BAZ2B: variants seen among roughly 807,000 people sequenced by gnomAD.
BAZ2B encodes the protein bromodomain adjacent to zinc finger domain protein 2B.
Under a neutral mutation model 246.0 loss-of-function variants are expected in BAZ2B, and 91 were observed. The ratio of observed to expected loss-of-function variants is 0.37; its 90% CI spans 0.31 to 0.44. The LOEUF (loss-of-function observed/expected upper bound fraction) is 0.44. Among genes scored for constraint, BAZ2B ranks in the 20% least tolerant of loss-of-function variants. BAZ2B has a pLI of 1.00. For synonymous variants in BAZ2B, 855 were observed against 860.0 expected, an observed-to-expected ratio of 0.99 and a Z score of 0.10; for missense variants, 2,332 against 2,533.7, an observed-to-expected ratio of 0.92 and a Z score of 1.71.
chr2:159,470,233 T>C (rs1178347393), intron 3 of BAZ2B, among the ~76,000 whole-genome samples: 2 of 152,192 alleles, frequency 1.3e-5, no homozygotes, highest in Non-Finnish European at 2.9e-5. Context: ...CATGTGACAA[T>C]ATTTAATACC....
At chr2:159,588,460 G>T (rs544536571) in intron 1 of BAZ2B, among the ~76,000 whole-genome samples, 37 of 151,864 alleles carry the variant, frequency 2.4e-4, no homozygotes, top group Non-Finnish European at 4.7e-4. Flanking sequence ...GGAGTTGGAG[G>T]CTGCAGTGGG....
intron 8 of BAZ2B, among the ~76,000 whole-genome samples, chr2:159,436,086 T>G (rs2072231240): frequency 6.6e-6 from 1 of 152,216 alleles, no homozygotes; most frequent in Non-Finnish European, 1.5e-5. Flanking sequence ...GATTCAAATT[T>G]TCAGCAGAAA....
rs2058394374 is a variant in BAZ2B, at chr2:159,350,083, G to A, written c.4488C>T (p.Cys1496=). Reference sequence around the variant, plus strand: ...TTCCACTGTTCTGATAAGACAACGTGCACCCATTTGCACCAGCATTTGGTT... The same window carrying A: ...TTCCACTGTTCTGATAAGACAACGTACACCCATTTGCACCAGCATTTGGTT... ...TPKPNAGANG[C]TLSYQNSGKH... The change falls in exon 28 of 37, where the codon TGC becomes TGT. Residue 1496 remains cysteine (C), a synonymous_variant. Transcript: ENST00000392783. 3.1e-6 allele frequency: 5 copies of A among 1,614,088 alleles called. No homozygotes were observed. The highest frequency in any genetic ancestry group is 4.2e-6 in the Non-Finnish European group (5 of 1,180,016).
intron 21 of BAZ2B, among the ~76,000 whole-genome samples, chr2:159,388,946 G>A (rs1415864161): frequency 6.6e-6 from 1 of 152,054 alleles, no homozygotes; most frequent in Non-Finnish European, 1.5e-5. Context: ...CAGGCATGGT[G>A]GCAAGCGCCT....
At chr2:159,551,396 G>A (rs1028162384) in intron 2 of BAZ2B, among the ~76,000 whole-genome samples, 1 of 149,260 alleles carries the variant, frequency 6.7e-6, no homozygotes, top group Non-Finnish European at 1.5e-5. Flanking sequence ...GTGAACCCGG[G>A]AGGTGAACCT....
At chr2:159,672,126 A>G in the BAZ2B span, among the ~76,000 whole-genome samples, 1 of 152,194 alleles carries the variant, frequency 6.6e-6, no homozygotes, top group Non-Finnish European at 1.5e-5. Context: ...TAAACATTCT[A>G]AACTTTTGTA....
chr2:159,442,723 T>G (rs1234577920), intron 6 of BAZ2B, among the ~76,000 whole-genome samples: 1 of 152,208 alleles, frequency 6.6e-6, no homozygotes, highest in Non-Finnish European at 1.5e-5. Flanking sequence ...CTGATGAGTC[T>G]AAGTACCTCA....
intron 1 of BAZ2B, among the ~76,000 whole-genome samples, chr2:159,565,357 G>T (rs950646894): frequency 2.6e-5 from 4 of 152,170 alleles, no homozygotes; most frequent in African/African-American, 9.7e-5. Context: ...AGGGGGAGTG[G>T]AGTCTTCAAA....
At chr2:159,520,014 T>C (rs765350922) in intron 2 of BAZ2B, among the ~76,000 whole-genome samples, 12 of 151,972 alleles carry the variant, frequency 7.9e-5, no homozygotes, top group Non-Finnish European at 1.6e-4. Flanking sequence ...CATATTTGCA[T>C]ACTTTTAGAA....
chr2:159,568,620 C>T (rs1012757294), intron 1 of BAZ2B, among the ~76,000 whole-genome samples: 1 of 151,846 alleles, frequency 6.6e-6, no homozygotes, highest in Non-Finnish European at 1.5e-5. Context: ...TCTCTTTCAA[C>T]AGTGTTAGCT....
At chr2:159,678,268 G>T in the BAZ2B span, among the ~76,000 whole-genome samples, 1 of 152,078 alleles carries the variant, frequency 6.6e-6, no homozygotes, top group African/African-American at 2.4e-5. Flanking sequence ...AATAACTTGA[G>T]CAATTAAGTT....
At chr2:159,391,742 AAAAGT>A (rs1420823602) in intron 20 of BAZ2B, among the ~76,000 whole-genome samples, 2 of 151,392 alleles carry the variant, frequency 1.3e-5, no homozygotes, top group Non-Finnish European at 2.9e-5. Context: ...TTCCACTTGA[AAAAGT>A]AAAATATGGA....
intron 22 of BAZ2B, among the ~76,000 whole-genome samples, chr2:159,386,075 TTGA>T (rs772345791): frequency 1.3e-5 from 2 of 152,272 alleles, no homozygotes; most frequent in East Asian, 3.9e-4. Flanking sequence ...AATTCTGTTG[TTGA>T]TGAATATCGC....
chr2:159,666,191 C>G, the BAZ2B span, among the ~76,000 whole-genome samples: 2 of 149,928 alleles, frequency 1.3e-5, no homozygotes, highest in African/African-American at 4.9e-5. Flanking sequence ...AGTGTGTTTT[C>G]AAAGAGCAAA....
intron 1 of BAZ2B, among the ~76,000 whole-genome samples, chr2:159,569,908 T>C (rs370968836): frequency 1.2e-4 from 19 of 152,284 alleles, no homozygotes; most frequent in African/African-American, 4.1e-4. Context: ...GTTGTCTACC[T>C]TAATTCAAGT....
chr2:159,686,236 A>G, the BAZ2B span, among the ~76,000 whole-genome samples: 1 of 152,180 alleles, frequency 6.6e-6, no homozygotes, highest in Non-Finnish European at 1.5e-5. Context: ...ATTACATTCC[A>G]GCTTGAGCTA....
intron 1 of BAZ2B, among the ~76,000 whole-genome samples, chr2:159,587,149 G>A (rs1578664457): frequency 2.0e-5 from 3 of 151,708 alleles, no homozygotes; most frequent in Admixed American, 2.0e-4. Flanking sequence ...CGCAATCTCG[G>A]CTCACTGCAA....
chr2:159,630,269 G>A, the BAZ2B span, among the ~76,000 whole-genome samples: 1 of 152,154 alleles, frequency 6.6e-6, no homozygotes, highest in Non-Finnish European at 1.5e-5. Context: ...GCTGCAGTGG[G>A]CTATGACCAT....
At chr2:159,543,001 T>A (rs554059493) in intron 2 of BAZ2B, among the ~76,000 whole-genome samples, 4 of 152,202 alleles carry the variant, frequency 2.6e-5, no homozygotes, top group Non-Finnish European at 5.9e-5. Flanking sequence ...ATTCCTTAAC[T>A]TCCCCATAGC....
Sources: gnomAD v4.1 joint callset for allele counts (sites outside exome capture counted in the v4.1 genomes callset) on GRCh38, gnomAD v4.1.1 for gene constraint, MANE v1.5 for transcripts, NCBI Gene and HGNC (gene_info 2026-07-23, HGNC 2026-07-21) for gene names.